Variants in TANGO6 observed in about 807,000 individuals in gnomAD.
TANGO6 encodes transport and Golgi organization protein 6 homolog.
TANGO6 carries 90 observed loss-of-function variants against 114.2 expected under a neutral mutation model. That is an observed-to-expected ratio of 0.79 (90% confidence interval 0.66 to 0.94). TANGO6 has a LOEUF of 0.94. Ranked by LOEUF, TANGO6 falls within the 40% of genes least tolerant of loss-of-function variation. TANGO6 has a pLI of 0.00. For missense variants in TANGO6, 1,274 were observed against 1,315.3 expected, an observed-to-expected ratio of 0.97 and a Z score of 0.49; for synonymous variants, 477 against 509.8, an observed-to-expected ratio of 0.94 and a Z score of 0.87.
chr16:68,872,436 G>A (rs1167216970), intron 4 of TANGO6, among the ~76,000 whole-genome samples: 1 of 151,414 alleles, frequency 6.6e-6, no homozygotes, highest in Non-Finnish European at 1.5e-5. Context: ...CAAGTAGCTG[G>A]GACTACAGGT....
chr16:69,000,806 G>A (rs948181688), intron 15 of TANGO6, among the ~76,000 whole-genome samples: 1 of 151,936 alleles, frequency 6.6e-6, no homozygotes, highest in African/African-American at 2.4e-5. Context: ...TGGCCAGGCT[G>A]GTCTTGAAAT....
intron 15 of TANGO6, among the ~76,000 whole-genome samples, chr16:68,989,736 C>T (rs1269759351): frequency 2.0e-5 from 3 of 152,146 alleles, no homozygotes; most frequent in Non-Finnish European, 2.9e-5. Context: ...ATACCCTGAA[C>T]AGTGTTAAAT....
chr16:68,853,474 T>C (rs1961937902), intron 1 of TANGO6, among the ~76,000 whole-genome samples: 1 of 152,202 alleles, frequency 6.6e-6, no homozygotes, highest in South Asian at 2.1e-4. Flanking sequence ...TAACTGGTTC[T>C]AGGTTTTTTA....
chr16:68,901,566 G>A (rs1962786064), intron 8 of TANGO6, among the ~76,000 whole-genome samples: 1 of 152,136 alleles, frequency 6.6e-6, no homozygotes, highest in Non-Finnish European at 1.5e-5. Context: ...TCGGCTCACT[G>A]CAACCTCTGC....
intron 14 of TANGO6, chr16:68,973,105 A>G: frequency 2.2e-6 from 1 of 456,010 alleles, no homozygotes; most frequent in Non-Finnish European, 4.4e-6. Flanking sequence ...CAGACTTATG[A>G]TTCAAACCAA....
At chr16:69,007,935 C>T (rs140357390) in intron 15 of TANGO6, among the ~76,000 whole-genome samples, 73 of 152,130 alleles carry the variant, frequency 4.8e-4, no homozygotes, top group Middle Eastern at 6.8e-3. Flanking sequence ...GCTTCTTGGA[C>T]GTTCATATAT....
intron 17 of TANGO6, among the ~76,000 whole-genome samples, chr16:69,055,178 CAG>C (rs2152238402): frequency 6.6e-6 from 1 of 152,168 alleles, no homozygotes; most frequent in South Asian, 2.1e-4. Flanking sequence ...TGACTGTACT[CAG>C]AGTTATTTGG....
intron 14 of TANGO6, among the ~76,000 whole-genome samples, chr16:68,964,312 T>C (rs1415840869): frequency 6.6e-6 from 1 of 151,902 alleles, no homozygotes; most frequent in Non-Finnish European, 1.5e-5. Context: ...AAAAAAATTT[T>C]TAACTTACTA....
At chr16:68,848,980 A>C (rs1242340214) in intron 1 of TANGO6, among the ~76,000 whole-genome samples, 1 of 151,922 alleles carries the variant, frequency 6.6e-6, no homozygotes, top group Non-Finnish European at 1.5e-5. Context: ...TTTGAAAACA[A>C]CTCTCTCTAA....
At chr16:68,991,413 C>G (rs982155633) in intron 15 of TANGO6, among the ~76,000 whole-genome samples, 2 of 151,796 alleles carry the variant, frequency 1.3e-5, no homozygotes, top group African/African-American at 4.8e-5. Context: ...GTCAGGAGTT[C>G]AAGACCAGCC....
intron 14 of TANGO6, among the ~76,000 whole-genome samples, chr16:68,944,043 GT>G (rs1340981063): frequency 1.3e-5 from 2 of 152,034 alleles, no homozygotes; most frequent in Non-Finnish European, 2.9e-5. Context: ...GTTGGGTTTG[GT>G]TTTTTTAGCC....
chr16:68,943,432 T>C (rs1437791038), intron 14 of TANGO6, among the ~76,000 whole-genome samples: 7 of 150,972 alleles, frequency 4.6e-5, no homozygotes, highest in African/African-American at 1.7e-4. Context: ...GGCGCAGTCT[T>C]GGCTCCCTGC....
At chr16:69,081,380 T>A (rs1186974037) in intron 17 of TANGO6, among the ~76,000 whole-genome samples, 4 of 152,032 alleles carry the variant, frequency 2.6e-5, no homozygotes, top group African/African-American at 4.8e-5. Flanking sequence ...TTTTTTTTTT[T>A]AATTTTATTT....
chr16:68,849,897 A>C (rs1567522867), intron 1 of TANGO6, among the ~76,000 whole-genome samples: 1 of 152,102 alleles, frequency 6.6e-6, no homozygotes, highest in Non-Finnish European at 1.5e-5. Flanking sequence ...TTACAGTGAA[A>C]ATACCATGAC....
At chr16:68,984,346 T>TA (rs527569520) in intron 15 of TANGO6, among the ~76,000 whole-genome samples, 224 of 152,298 alleles carry the variant, frequency 1.5e-3, no homozygotes, top group African/African-American at 4.8e-3. Context: ...TAAATGGAAA[T>TA]ACTAATATGG....
intron 8 of TANGO6, among the ~76,000 whole-genome samples, chr16:68,901,499 T>C (rs1196571584): frequency 1.3e-5 from 2 of 151,936 alleles, no homozygotes; most frequent in Non-Finnish European, 2.9e-5. Flanking sequence ...CTTGTTTTTG[T>C]TTTTTTTGAG....
chr16:69,076,556 G>A (rs762454578), intron 17 of TANGO6, among the ~76,000 whole-genome samples: 4 of 152,108 alleles, frequency 2.6e-5, no homozygotes, highest in African/African-American at 4.8e-5. Flanking sequence ...AGATGCAGTC[G>A]GGTTCCATGG....
rs36068754 is a variant in TANGO6 at position 68,897,579 on chromosome 16, A to AT, written c.1378-2839dup. On this transcript the variant is annotated intron_variant, in intron 7 of 17. Coordinates refer to ENST00000261778, the MANE Select transcript of TANGO6 (RefSeq NM_024562.2). The stretch of plus-strand genomic sequence containing the variant: ...GAAGAAACAAACAAAAAATTAGCGG[A>AT]TTTTTTTTTTTTTTTTGAGACGGTG... Among the ~76,000 whole-genome samples the AT allele has an allele frequency of 8.3e-3, 1,176 of 141,604 alleles. 11 individuals are homozygous for AT. The highest frequency in any genetic ancestry group is 0.022 in the African/African-American group (847 of 38,858). 92.9% of individuals were successfully genotyped at this position (141,604 alleles called of 152,430 possible).
At chr16:69,076,668 A>G (rs555341256) in intron 17 of TANGO6, among the ~76,000 whole-genome samples, 1 of 152,162 alleles carries the variant, frequency 6.6e-6, no homozygotes, top group East Asian at 1.9e-4. Context: ...TGGGGCCTCC[A>G]TTTGCCCACT....
Sources: allele counts gnomAD v4.1 joint callset (sites outside exome capture counted in the v4.1 genomes callset), GRCh38; gene constraint gnomAD v4.1.1; transcripts MANE v1.5; gene names NCBI Gene and HGNC (gene_info 2026-07-23, HGNC 2026-07-21).